Variants in ASCC3 observed in about 807,000 individuals in gnomAD.
The protein encoded by ASCC3 is activating signal cointegrator 1 complex subunit 3, also known as ASC-1 complex subunit P200.
ASCC3 carries 158 observed loss-of-function variants against 256.3 expected under a neutral mutation model. The ratio of observed to expected loss-of-function variants is 0.62; its 90% CI spans 0.54 to 0.70. The LOEUF is 0.70. ASCC3 is among the 30% of genes least tolerant of loss of function. The pLI, the probability that ASCC3 is intolerant of heterozygous loss-of-function variation, is 0.00. For missense variants in ASCC3, 2,259 were observed against 2,626.0 expected (o/e 0.86, Z 3.05); for synonymous variants, 948 against 883.4 (o/e 1.07, Z -1.30).
At chr6:100,815,712 T>C (rs951507673) in intron 4 of ASCC3, among the ~76,000 whole-genome samples, 12 of 152,158 alleles carry the variant, frequency 7.9e-5, no homozygotes, top group Non-Finnish European at 1.8e-4. Flanking sequence ...TGACTAGCCA[T>C]AGGCAGAAGA....
intron 10 of ASCC3, among the ~76,000 whole-genome samples, chr6:100,743,970 G>A (rs1306591975): frequency 6.6e-6 from 1 of 152,056 alleles, no homozygotes; most frequent in African/African-American, 2.4e-5. Flanking sequence ...TTTTAAAATT[G>A]TATTTATGCT....
At chr6:100,586,961 A>C (rs976691905) in intron 36 of ASCC3, among the ~76,000 whole-genome samples, 2 of 152,198 alleles carry the variant, frequency 1.3e-5, no homozygotes, top group African/African-American at 4.8e-5. Flanking sequence ...TTAAAAACTA[A>C]AGTTTAAAAA....
Position 100,767,280 on chromosome 6 carries a change from A to G in ASCC3, c.1461T>C (p.Thr487=). ...GCATGTTCTCATTGGTGTTGTAGGCAGTCTCAAACACTATTGACTGGATTC... is the reference window on the plus strand; with the variant it reads ...GCATGTTCTCATTGGTGTTGTAGGCGGTCTCAAACACTATTGACTGGATTC... ...LNRIQSIVFE[T]AYNTNENMLI... Residue 487 remains threonine (T), a synonymous_variant, in exon 9 of 42, where the codon ACT becomes ACC. Coordinates refer to ENST00000369162, the MANE Select transcript of ASCC3 (RefSeq NM_006828.4). 2 of 1,614,110 alleles carry G rather than the reference A, an allele frequency of 1.2e-6. No homozygotes were observed. Among genetic ancestry groups the G allele is most frequent in the Non-Finnish European group, 1.7e-6 (2 of 1,180,010 alleles).
chr6:100,720,293 G>A (rs573658295), intron 11 of ASCC3, among the ~76,000 whole-genome samples: 306 of 151,830 alleles, frequency 2.0e-3, no homozygotes, highest in Non-Finnish European at 3.3e-3. Flanking sequence ...CATCATAAGC[G>A]TTAAAACTAT....
intron 4 of ASCC3, among the ~76,000 whole-genome samples, chr6:100,829,620 A>T (rs1771519398): frequency 6.6e-6 from 1 of 152,144 alleles, no homozygotes; most frequent in Non-Finnish European, 1.5e-5. Flanking sequence ...GGCCTTGGCC[A>T]GCCCAGAAAG....
chr6:100,580,712 C>T (rs2114745886), intron 36 of ASCC3, among the ~76,000 whole-genome samples: 1 of 151,688 alleles, frequency 6.6e-6, no homozygotes, highest in East Asian at 1.9e-4. Flanking sequence ...AGGTATATCT[C>T]CCAATGCTAT....
chr6:100,805,994 A>G, intron 4 of ASCC3, 114 bp from the exon 5 acceptor site: 1 of 983,122 alleles, frequency 1.0e-6, no homozygotes, highest in East Asian at 2.7e-5. Context: ...AGAAATACTC[A>G]AAAAATTTAA....
intron 36 of ASCC3, among the ~76,000 whole-genome samples, chr6:100,545,870 C>CATG (rs1208454120): frequency 6.6e-6 from 1 of 152,164 alleles, no homozygotes; most frequent in Non-Finnish European, 1.5e-5. Context: ...TGTGAACCAC[C>CATG]ATGCCTGGTC....
At chr6:100,737,738 T>A (rs1286436346) in intron 10 of ASCC3, among the ~76,000 whole-genome samples, 1 of 152,226 alleles carries the variant, frequency 6.6e-6, no homozygotes, top group East Asian at 1.9e-4. Flanking sequence ...CCTTTTGTTA[T>A]ATACCCAGTA....
chr6:100,674,560 C>T lies in ASCC3; in HGVS notation c.2286+5058G>A, dbSNP rs1776911741. ...ACTGTTATCTTCTTTCTCTTCAAAACTCATGGGTAAACATTTACAGAATAT... is the reference window on the plus strand; with the variant it reads ...ACTGTTATCTTCTTTCTCTTCAAAATTCATGGGTAAACATTTACAGAATAT... On this transcript the variant is annotated intron_variant, in intron 14 of 41. Transcript: ENST00000369162. Among the ~76,000 whole-genome samples, 3 of 151,448 alleles carry T rather than the reference C, an allele frequency of 2.0e-5. No individual in the cohort carries two copies. In the South Asian group the frequency reaches 6.2e-4, roughly 31 times the overall value.
chr6:100,700,678 G>A (rs1350053966), intron 13 of ASCC3, among the ~76,000 whole-genome samples: 3 of 152,240 alleles, frequency 2.0e-5, no homozygotes, highest in Non-Finnish European at 2.9e-5. Context: ...GTGAGACATG[G>A]AGTCAAAGGA....
intron 10 of ASCC3, among the ~76,000 whole-genome samples, chr6:100,753,305 C>CAA (rs66659985): frequency 0.011 from 1,622 of 146,930 alleles, 26 homozygotes; most frequent in Non-Finnish European, 0.014. Flanking sequence ...TATTCAATAG[C>CAA]AAAACAAAAC....
intron 10 of ASCC3, among the ~76,000 whole-genome samples, chr6:100,761,139 G>C (rs913794727): frequency 2.6e-5 from 4 of 152,150 alleles, no homozygotes; most frequent in African/African-American, 9.7e-5. Flanking sequence ...TGAATGGAGT[G>C]AATTTCTCTT....
chr6:100,688,292 C>A (rs1312583900), intron 13 of ASCC3, among the ~76,000 whole-genome samples: 1 of 150,646 alleles, frequency 6.6e-6, no homozygotes, highest in Non-Finnish European at 1.5e-5. Context: ...ACAACAGGAA[C>A]TCTTGATTCT....
At chr6:100,679,112 G>A (rs781493451) in intron 14 of ASCC3, among the ~76,000 whole-genome samples, 10 of 151,760 alleles carry the variant, frequency 6.6e-5, no homozygotes, top group Admixed American at 2.6e-4. Context: ...TTTTTAAAAG[G>A]ATGCAGGTGA....
At chr6:100,677,443 T>G (rs1224408986) in intron 14 of ASCC3, among the ~76,000 whole-genome samples, 1 of 152,120 alleles carries the variant, frequency 6.6e-6, no homozygotes, top group African/African-American at 2.4e-5. Context: ...ATGGTGGACT[T>G]TGGAGTCAGA....
intron 6 of ASCC3, 87 bp downstream of exon 6, chr6:100,800,213 A>T: frequency 1.4e-6 from 2 of 1,414,698 alleles, no homozygotes; most frequent in African/African-American, 1.4e-5. Flanking sequence ...AATCATCTAT[A>T]CTGCTAAGAC....
intron 36 of ASCC3, among the ~76,000 whole-genome samples, chr6:100,582,510 T>C (rs1771351342): frequency 1.3e-5 from 2 of 152,082 alleles, no homozygotes; most frequent in Non-Finnish European, 2.9e-5. Context: ...GTTTTCTAGA[T>C]ATACAATCAT....
chr6:100,699,310 C>G (rs1299216813), intron 13 of ASCC3, among the ~76,000 whole-genome samples: 1 of 152,136 alleles, frequency 6.6e-6, no homozygotes, highest in Non-Finnish European at 1.5e-5. Flanking sequence ...GTCACAAGAT[C>G]TGACAGTTTT....
Sources: allele counts gnomAD v4.1 joint callset (sites outside exome capture counted in the v4.1 genomes callset), GRCh38; gene constraint gnomAD v4.1.1; transcripts MANE v1.5; gene names NCBI Gene and HGNC (gene_info 2026-07-23, HGNC 2026-07-21).